The following TSHZ2 variants were observed in gnomAD, a reference collection of about 807,000 sequenced individuals.
TSHZ2 encodes the protein teashirt homolog 2.
Under a neutral mutation model 74.4 loss-of-function variants are expected in TSHZ2, and 21 were observed. That is an observed-to-expected ratio of 0.28 (90% CI 0.20 to 0.41). The LOEUF is 0.41. Ranked by LOEUF, TSHZ2 falls within the 10% of genes least tolerant of loss-of-function variation. The probability of loss-of-function intolerance (pLI) is 1.00; values close to 1 mark genes in which losing one functional copy is unlikely to be tolerated. For missense variants in TSHZ2, 1,244 were observed against 1,293.5 expected (o/e 0.96, Z 0.59); for synonymous variants, 540 against 515.3 (o/e 1.05, Z -0.65).
At chr20:53,456,422 A>C (rs2145797959) in intron 2 of TSHZ2, among the ~76,000 whole-genome samples, 1 of 144,104 alleles carries the variant, frequency 6.9e-6, no homozygotes, top group East Asian at 2.0e-4. Context: ...TTTTCTTGTA[A>C]ATTTGTTTGA....
chr20:53,474,292 G>C (rs1432831351), intron 2 of TSHZ2, among the ~76,000 whole-genome samples: 1 of 134,416 alleles, frequency 7.4e-6, no homozygotes, highest in Non-Finnish European at 1.6e-5. Flanking sequence ...AAGCCCATCA[G>C]ACTAACAGCG....
intron 1 of TSHZ2, among the ~76,000 whole-genome samples, chr20:53,051,467 A>G (rs1287883170): frequency 7.8e-6 from 1 of 128,016 alleles, no homozygotes; most frequent in African/African-American, 4.5e-5. Context: ...GCACACACAC[A>G]CACACACACA....
intron 2 of TSHZ2, among the ~76,000 whole-genome samples, chr20:53,386,280 G>A (rs902801037): frequency 3.3e-5 from 5 of 152,158 alleles, no homozygotes; most frequent in African/African-American, 7.2e-5. Context: ...TCTTGCAACC[G>A]GCTTCCTGGG....
At position 53,489,358 on chromosome 20, in the gene TSHZ2, T is replaced by G; in HGVS notation, c.*2223T>G. 1 of 363,656 alleles carries G rather than the reference T, an allele frequency of 2.7e-6. No homozygotes were observed. Among genetic ancestry groups the G allele is most frequent in the South Asian group, 2.1e-5 (1 of 48,246 alleles). 22.5% of individuals were successfully genotyped at this position (363,656 alleles called of 1,614,324 possible). ...GATGGGTTAAGATTGAAGGGTGGAC[T>G]GGACTCTACTGAGCACCGTCCTTCA... On this transcript the variant is annotated 3_prime_UTR_variant, in exon 3 of 3. Transcript: ENST00000371497.
chr20:53,275,040 G>A lies in TSHZ2; in HGVS notation c.*8+18469G>A, dbSNP rs113610310. 2.2e-3 allele frequency among the ~76,000 whole-genome samples: 335 copies of A among 152,206 alleles called. 2 individuals are homozygous for A. The highest frequency in any genetic ancestry group is 7.7e-3 in the African/African-American group (321 of 41,526). On this transcript the variant is annotated intron_variant, in intron 2 of 2. Coordinates refer to ENST00000371497, the MANE Select transcript of TSHZ2 (RefSeq NM_173485.6). ...TGCTTTGCTTGCTTTCTGACAGCAC[G>A]GCTTATATTGGAAAGGTCTGTGTCA...
chr20:53,238,268 G>A (rs1484881309), intron 1 of TSHZ2, among the ~76,000 whole-genome samples: 1 of 152,106 alleles, frequency 6.6e-6, no homozygotes, highest in Non-Finnish European at 1.5e-5. Context: ...GATTGCAAGC[G>A]ATAAATATTA....
At chr20:53,459,071 T>C (rs550176404) in intron 2 of TSHZ2, among the ~76,000 whole-genome samples, 3 of 152,318 alleles carry the variant, frequency 2.0e-5, no homozygotes, top group Non-Finnish European at 2.9e-5. Context: ...TGTAGATGTC[T>C]ATTAGGTCCG....
At chr20:53,313,620 G>A (rs947581368) in intron 2 of TSHZ2, among the ~76,000 whole-genome samples, 12 of 152,158 alleles carry the variant, frequency 7.9e-5, no homozygotes, top group Admixed American at 5.2e-4. Context: ...CTCGTCTATG[G>A]AATAGGAAGG....
intron 2 of TSHZ2, among the ~76,000 whole-genome samples, chr20:53,452,419 G>C (rs575793991): frequency 6.6e-6 from 1 of 152,142 alleles, no homozygotes; most frequent in Non-Finnish European, 1.5e-5. Flanking sequence ...GGCCAACGTG[G>C]TGAAACCCCA....
At chr20:53,418,637 A>AC (rs567259877) in intron 2 of TSHZ2, among the ~76,000 whole-genome samples, 104 of 151,470 alleles carry the variant, frequency 6.9e-4, no homozygotes, top group African/African-American at 2.4e-3. Context: ...TCCAATTACC[A>AC]CCCCCCAGGT....
At chr20:53,293,036 A>C (rs1991310249) in intron 2 of TSHZ2, among the ~76,000 whole-genome samples, 2 of 152,362 alleles carry the variant, frequency 1.3e-5, no homozygotes, top group South Asian at 4.1e-4. Flanking sequence ...TTTTGATGAT[A>C]TAAGGGTCGC....
Position 53,235,928 on chromosome 20 carries a change from G to A in TSHZ2, c.41-17571G>A, listed in dbSNP as rs200227788. 3.3e-5 allele frequency among the ~76,000 whole-genome samples: 5 copies of A among 152,178 alleles called. No individual in the cohort carries two copies. The East Asian group carries it at 9.6e-4, about 29-fold the overall frequency. On this transcript the variant is annotated intron_variant, in intron 1 of 2. Transcript: ENST00000371497. ...TAGTTCACTCCTGATTGGTAAATAG[G>A]TTAATGATATGAATATAATGAGAAC...
chr20:53,425,569 G>A (rs918069102), intron 2 of TSHZ2, among the ~76,000 whole-genome samples: 29 of 152,188 alleles, frequency 1.9e-4, no homozygotes, highest in African/African-American at 6.8e-4. Context: ...CAAGCTCTCC[G>A]TGATGATATA....
intron 1 of TSHZ2, among the ~76,000 whole-genome samples, chr20:53,104,000 G>A (rs952381277): frequency 9.9e-5 from 15 of 152,154 alleles, no homozygotes; most frequent in African/African-American, 2.7e-4. Context: ...TAATAAGAGA[G>A]ATCATGACTT....
At chr20:53,234,687 A>G (rs1989901199) in intron 1 of TSHZ2, among the ~76,000 whole-genome samples, 9 of 152,176 alleles carry the variant, frequency 5.9e-5, no homozygotes, top group Admixed American at 5.9e-4. Flanking sequence ...CAGCCAGCGC[A>G]AAGGCCTAAG....
rs928476104 is a variant in TSHZ2, at chr20:53,025,417, G to T, written c.40+52084G>T. 1.9e-4 allele frequency among the ~76,000 whole-genome samples: 29 copies of T among 152,088 alleles called. 1 individual carries two copies. Among genetic ancestry groups the T allele is most frequent in the Admixed American group, 1.7e-3 (26 of 15,258 alleles). On this transcript the variant is annotated intron_variant, in intron 1 of 2. Coordinates refer to ENST00000371497, the MANE Select transcript of TSHZ2 (RefSeq NM_173485.6). ...ACTAGCTGAGATATAACACAAAAAT[G>T]CATGAGTTCAAGTGGATCCAACTAA...
intron 1 of TSHZ2, among the ~76,000 whole-genome samples, chr20:53,014,246 G>A (rs1982956064): frequency 6.6e-6 from 1 of 151,914 alleles, no homozygotes; most frequent in Non-Finnish European, 1.5e-5. Context: ...ACATCCTCAT[G>A]TCTCTTCTTA....
At chr20:53,176,809 C>T (rs1363920007) in intron 1 of TSHZ2, among the ~76,000 whole-genome samples, 3 of 151,816 alleles carry the variant, frequency 2.0e-5, no homozygotes, top group African/African-American at 4.8e-5. Flanking sequence ...ACCTCAGCCT[C>T]CCGAGTAGCT....
intron 1 of TSHZ2, among the ~76,000 whole-genome samples, chr20:53,212,011 C>T (rs1485251029): frequency 1.3e-5 from 2 of 152,172 alleles, no homozygotes; most frequent in Admixed American, 6.5e-5. Flanking sequence ...ACCTGCGTTA[C>T]CCAGCCCACT....
Sources: gnomAD v4.1 joint callset for allele counts (sites outside exome capture counted in the v4.1 genomes callset) on GRCh38, gnomAD v4.1.1 for gene constraint, MANE v1.5 for transcripts, NCBI Gene and HGNC (gene_info 2026-07-23, HGNC 2026-07-21) for gene names.